Variants in ADAMTS17 observed in about 807,000 individuals in gnomAD.
ADAMTS17 encodes the protein A disintegrin and metalloproteinase with thrombospondin motifs 17.
A neutral mutation model predicts 141.5 loss-of-function variants in ADAMTS17; 113 were observed. The ratio of observed to expected loss-of-function variants is 0.80; its 90% CI spans 0.69 to 0.93. ADAMTS17 has a LOEUF of 0.93. Ranked by LOEUF, ADAMTS17 falls within the 40% of genes least tolerant of loss-of-function variation. The pLI, the probability that ADAMTS17 is intolerant of heterozygous loss-of-function variation, is 0.00. For missense variants in ADAMTS17, 1,659 were observed against 1,517.9 expected, an observed-to-expected ratio of 1.09 and a Z score of -1.54; for synonymous variants, 768 against 630.6, an observed-to-expected ratio of 1.22 and a Z score of -3.27.
At chr15:100,127,088 C>A (rs2037775191) in intron 12 of ADAMTS17, among the ~76,000 whole-genome samples, 1 of 152,054 alleles carries the variant, frequency 6.6e-6, no homozygotes, top group South Asian at 2.1e-4. Flanking sequence ...TGGGGAGGGT[C>A]CTGGGGTTAG....
intron 15 of ADAMTS17, among the ~76,000 whole-genome samples, chr15:100,057,274 G>A (rs962245559): frequency 6.6e-6 from 1 of 152,204 alleles, no homozygotes; most frequent in African/African-American, 2.4e-5. Flanking sequence ...GGGGCTCACT[G>A]TGAGGATAGA....
chr15:100,052,645 G>T (rs1342756150), intron 16 of ADAMTS17, among the ~76,000 whole-genome samples: 1 of 152,150 alleles, frequency 6.6e-6, no homozygotes, highest in Non-Finnish European at 1.5e-5. Flanking sequence ...TTTATGTTTT[G>T]CCTCCTCTCT....
chr15:100,014,148 C>G (rs973641410), intron 18 of ADAMTS17, among the ~76,000 whole-genome samples: 3 of 152,120 alleles, frequency 2.0e-5, no homozygotes, highest in Non-Finnish European at 2.9e-5. Context: ...TCTATCTCTT[C>G]TAGGTTTTCT....
intron 3 of ADAMTS17, among the ~76,000 whole-genome samples, chr15:100,324,847 A>G (rs1483617299): frequency 6.6e-6 from 1 of 152,186 alleles, no homozygotes; most frequent in Admixed American, 6.5e-5. Context: ...GCAAGTCTGC[A>G]TTAACTCATT....
At chr15:100,109,142 T>G in intron 13 of ADAMTS17, 26 bp from the exon 14 acceptor site, 4 of 1,592,588 alleles carry the variant, frequency 2.5e-6, no homozygotes, top group Non-Finnish European at 3.4e-6. Flanking sequence ...TTGGAGGACG[T>G]TGACACGGGA....
chr15:99,975,603 A>G (rs1403802764), intron 21 of ADAMTS17, among the ~76,000 whole-genome samples: 1 of 151,462 alleles, frequency 6.6e-6, no homozygotes, highest in African/African-American at 2.4e-5. Context: ...GGGCCAAACC[A>G]CTCACACAGT....
At chr15:100,047,143 T>C (rs771095951) in intron 18 of ADAMTS17, among the ~76,000 whole-genome samples, 11 of 151,810 alleles carry the variant, frequency 7.2e-5, no homozygotes, top group Non-Finnish European at 1.0e-4. Context: ...CAGTCTCCCA[T>C]AGCGCTCCCA....
At chr15:100,263,365 C>T (rs2043598724) in intron 4 of ADAMTS17, among the ~76,000 whole-genome samples, 1 of 152,198 alleles carries the variant, frequency 6.6e-6, no homozygotes, top group Admixed American at 6.5e-5. Context: ...CCCTGTCCAG[C>T]CAAAAGGTCC....
chr15:100,305,631 G>A (rs1432685172), intron 3 of ADAMTS17, among the ~76,000 whole-genome samples: 1 of 152,214 alleles, frequency 6.6e-6, no homozygotes, highest in African/African-American at 2.4e-5. Context: ...CCCAGAGACT[G>A]AGACTGTACA....
intron 13 of ADAMTS17, 99 bp downstream of exon 13, chr15:100,116,748 G>C: frequency 5.2e-6 from 8 of 1,539,912 alleles, no homozygotes; most frequent in Non-Finnish European, 7.2e-6. Context: ...TTGCTGGGTT[G>C]GTTTGGGAAA....
At chr15:100,251,691 T>G (rs2043159667) in intron 7 of ADAMTS17, among the ~76,000 whole-genome samples, 1 of 152,224 alleles carries the variant, frequency 6.6e-6, no homozygotes, top group African/African-American at 2.4e-5. Context: ...TGAGCCCAGA[T>G]CGTGCCACTG....
chr15:100,305,362 G>A (rs1275047240), intron 3 of ADAMTS17, among the ~76,000 whole-genome samples: 2 of 152,090 alleles, frequency 1.3e-5, no homozygotes, highest in Non-Finnish European at 2.9e-5. Context: ...ACTGTTTCTG[G>A]TCCCTGAAAT....
chr15:100,003,908 C>G (rs12904962), intron 18 of ADAMTS17, among the ~76,000 whole-genome samples: 7 of 151,986 alleles, frequency 4.6e-5, no homozygotes, highest in Non-Finnish European at 1.0e-4. Context: ...AGACCTTCAG[C>G]TGAAGAAGAT....
chr15:100,145,834 A>C (rs4965285), intron 10 of ADAMTS17, among the ~76,000 whole-genome samples: 1 of 152,266 alleles, frequency 6.6e-6, no homozygotes, highest in African/African-American at 2.4e-5. Context: ...TTGCTTTACT[A>C]AGTTGACATT....
At chr15:100,262,175 C>A (rs956174345) in intron 5 of ADAMTS17, among the ~76,000 whole-genome samples, 177 bp downstream of exon 5, 7 of 152,088 alleles carry the variant, frequency 4.6e-5, no homozygotes, top group African/African-American at 7.2e-5. Context: ...TCTCAACAGC[C>A]CCCCCTCACA....
chr15:100,000,702 C>T (rs1013656420), intron 18 of ADAMTS17, among the ~76,000 whole-genome samples: 14 of 151,768 alleles, frequency 9.2e-5, no homozygotes, highest in Non-Finnish European at 1.5e-5. Context: ...TTAGTAGAGA[C>T]GGGTTTCACC....
chr15:100,273,656 T>G (rs1165068168), intron 4 of ADAMTS17, among the ~76,000 whole-genome samples: 2 of 152,192 alleles, frequency 1.3e-5, no homozygotes, highest in Admixed American at 6.5e-5. Flanking sequence ...TTTCATTGGC[T>G]CTATTGTTTT....
intron 3 of ADAMTS17, among the ~76,000 whole-genome samples, chr15:100,296,297 T>C (rs1472775409): frequency 6.6e-6 from 1 of 152,116 alleles, no homozygotes. Context: ...GATCTGTTTA[T>C]AGAAAAATCA....
intron 16 of ADAMTS17, among the ~76,000 whole-genome samples, chr15:100,053,117 C>T (rs2032274862): frequency 6.6e-6 from 1 of 152,164 alleles, no homozygotes. Flanking sequence ...ATTACAGGGG[C>T]ACAAGCTGCC....
Sources: allele counts gnomAD v4.1 joint callset (sites outside exome capture counted in the v4.1 genomes callset), GRCh38; gene constraint gnomAD v4.1.1; transcripts MANE v1.5; gene names NCBI Gene and HGNC (gene_info 2026-07-23, HGNC 2026-07-21).